FTSJ1: variants seen among roughly 807,000 people sequenced by gnomAD.
FTSJ1 encodes the protein tRNA (cytidine(32)/guanosine(34)-2'-O)-methyltransferase.
A neutral mutation model predicts 28.5 loss-of-function variants in FTSJ1; 3 were observed. That is an observed-to-expected ratio of 0.11 (90% confidence interval 0.05 to 0.27). The LOEUF (loss-of-function observed/expected upper bound fraction) is 0.27. FTSJ1 is among the 10% of genes least tolerant of loss of function. The pLI is 1.00. For missense variants in FTSJ1, 162 were observed against 279.0 expected (o/e 0.58, Z 2.99); for synonymous variants, 104 against 113.9 (o/e 0.91, Z 0.55).
At chrX:48,477,861 G>T (rs1556966800) in intron 1 of FTSJ1, 100 bp from the exon 2 acceptor site, 1 of 573,326 alleles carries the variant, frequency 1.7e-6, no homozygotes, top group African/African-American at 2.3e-5. Context: ...TAAGGTCAGT[G>T]GGGTCAGTGC....
rs181456866 is a variant in FTSJ1, at chrX:48,483,576, C to T, written c.*9+549C>T. Among the ~76,000 whole-genome samples, 561 of 110,803 alleles carry T rather than the reference C, an allele frequency of 5.1e-3. 2 individuals are homozygous for T. Among genetic ancestry groups the T allele is most frequent in the African/African-American group, 0.015 (470 of 30,489 alleles). ...AGGCTGGAGTTCAGTGGTGTGATTT[C>T]CCGGGCTCAAAAAATCCTCCCACCT... On this transcript the variant is annotated intron_variant, in intron 12 of 12. Transcript: ENST00000348411.
chrX:48,478,447 A>C lies in FTSJ1; in HGVS notation c.122-2A>C. ...CAGGATGCTTTCACTATGTATGCCC[A>C]GGCGTGACACGGGCAGTTGACCTGT... On this transcript the variant is annotated splice_acceptor_variant, in intron 2 of 12. Coordinates refer to ENST00000348411, the MANE Select transcript of FTSJ1 (RefSeq NM_012280.4). LOFTEE classifies it high-confidence loss of function. 8.3e-7 allele frequency: 1 copy of C among 1,206,842 alleles called. No homozygotes were observed. Among genetic ancestry groups the C allele is most frequent in the Non-Finnish European group, 1.1e-6 (1 of 891,912 alleles).
At chrX:48,480,721 C>T (rs1602052051) in intron 5 of FTSJ1, among the ~76,000 whole-genome samples, 2 of 110,574 alleles carry the variant, frequency 1.8e-5, no homozygotes, top group Non-Finnish European at 3.8e-5. Flanking sequence ...TTAATGGCTT[C>T]GATGTGGGTG....
chrX:48,484,218 G>A (rs953907000), intron 12 of FTSJ1, among the ~76,000 whole-genome samples: 1 of 107,944 alleles, frequency 9.3e-6, no homozygotes, highest in African/African-American at 3.4e-5. Flanking sequence ...TACAGTGCCC[G>A]CCACTATGCA....
rs910768472 is a variant in FTSJ1 at position 48,486,100 on chromosome X, T to A, written c.*374T>A. ...CAATGAAACTGAAATTTAGCCTTACTCCCAAGTTATAAATGCTGGCAACAA... is the reference window on the plus strand; with the variant it reads ...CAATGAAACTGAAATTTAGCCTTACACCCAAGTTATAAATGCTGGCAACAA... On this transcript the variant is annotated 3_prime_UTR_variant, in exon 13 of 13. Coordinates refer to ENST00000348411, the MANE Select transcript of FTSJ1 (RefSeq NM_012280.4). 1 of 112,119 alleles carries A rather than the reference T, an allele frequency of 8.9e-6. No homozygotes were observed. The highest frequency in any genetic ancestry group is 3.7e-4 in the South Asian group (1 of 2,713). The allele number at this position is 112,119 out of a possible 1,213,427, so 9.2% of individuals were successfully genotyped here. A position where few individuals can be genotyped will look rare whatever the true frequency, so the allele number is the denominator to read the frequency against.
intron 12 of FTSJ1, 91 bp downstream of exon 12, chrX:48,483,118 C>A: frequency 1.5e-6 from 1 of 686,834 alleles, no homozygotes; most frequent in Non-Finnish European, 2.4e-6. Flanking sequence ...TTTATGTCAA[C>A]TGATAAGATT....
intron 5 of FTSJ1, among the ~76,000 whole-genome samples, chrX:48,480,000 C>T (rs979476001): frequency 9.0e-6 from 1 of 111,271 alleles, no homozygotes; most frequent in African/African-American, 3.3e-5. Context: ...AAAAATTAGC[C>T]AGGTGTGGTG....
At chrX:48,482,872 G>A in intron 11 of FTSJ1, 78 bp downstream of exon 11, 3 of 1,208,065 alleles carry the variant, frequency 2.5e-6, no homozygotes, top group Non-Finnish European at 3.4e-6. Flanking sequence ...ATGGTTTCTG[G>A]GGCCAAAATT....
intron 12 of FTSJ1, among the ~76,000 whole-genome samples, chrX:48,484,477 G>A (rs782580687): frequency 1.6e-4 from 18 of 109,623 alleles, no homozygotes; most frequent in Non-Finnish European, 2.7e-4. Flanking sequence ...TCCGCCTCCC[G>A]GGTTCAAGAG....
At chrX:48,481,247 G>C in intron 6 of FTSJ1, 42 bp from the exon 7 acceptor site, 1 of 1,206,136 alleles carries the variant, frequency 8.3e-7, no homozygotes, top group Non-Finnish European at 1.1e-6. Context: ...GCCCCCTCCT[G>C]GCTGTCTCCA....
chrX:48,476,563 AAG>A (rs1430171273), intron 1 of FTSJ1, 167 bp downstream of exon 1: 1 of 239,571 alleles, frequency 4.2e-6, no homozygotes, highest in Non-Finnish European at 7.5e-6. Context: ...TTGTCTGCAG[AAG>A]GGGACCAGTA....
chrX:48,485,075 C>T (rs1173842728), intron 12 of FTSJ1, among the ~76,000 whole-genome samples: 1 of 111,513 alleles, frequency 9.0e-6, no homozygotes, highest in Non-Finnish European at 1.9e-5. Context: ...GGGTGGATCA[C>T]CTGAGGTCAG....
chrX:48,483,871 C>T (rs781914961), intron 12 of FTSJ1, among the ~76,000 whole-genome samples: 5 of 109,376 alleles, frequency 4.6e-5, no homozygotes, highest in Non-Finnish European at 5.8e-5. Flanking sequence ...AAGGCACTGC[C>T]GGAGGGAAGC....
In FTSJ1 at chrX:48,479,033, C is replaced by T; in HGVS notation, c.283-5C>T. The T allele has an allele frequency of 8.4e-7, 1 of 1,192,302 alleles. No homozygotes were observed. The highest frequency in any genetic ancestry group is 1.1e-6 in the Non-Finnish European group (1 of 877,463). ...TGGGGCCACTCATCCTCCCTCTCTCCATAGCTGTCCACTGCCAAGGAGATC... is the reference window on the plus strand; with the variant it reads ...TGGGGCCACTCATCCTCCCTCTCTCTATAGCTGTCCACTGCCAAGGAGATC... On this transcript the variant is annotated splice_polypyrimidine_tract_variant and splice_region_variant and intron_variant, in intron 4 of 12. Coordinates refer to ENST00000348411, the MANE Select transcript of FTSJ1 (RefSeq NM_012280.4).
At chrX:48,478,980 G>A (rs964136856) in intron 4 of FTSJ1, 58 bp from the exon 5 acceptor site, 31 of 926,718 alleles carry the variant, frequency 3.3e-5, no homozygotes, top group South Asian at 1.2e-4. Context: ...ATGGGCAGGC[G>A]GGATCTGAGG....
chrX:48,485,211 T>C (rs1556969783), intron 12 of FTSJ1, among the ~76,000 whole-genome samples: 2 of 111,583 alleles, frequency 1.8e-5, no homozygotes, highest in Non-Finnish European at 3.8e-5. Context: ...GGAGAATCAC[T>C]TGAACCTGGG....
At chrX:48,476,805 A>G (rs1483656957) in intron 1 of FTSJ1, 1 of 111,865 alleles carries the variant, frequency 8.9e-6, no homozygotes, top group African/African-American at 3.3e-5. Flanking sequence ...TCATTGATTG[A>G]TTAATGAGGG....
chrX:48,484,947 A>T (rs1556969691), intron 12 of FTSJ1, among the ~76,000 whole-genome samples: 1 of 111,677 alleles, frequency 9.0e-6, no homozygotes, highest in Non-Finnish European at 1.9e-5. Flanking sequence ...CACTGTGGAA[A>T]CTTAGGCATT....
chrX:48,483,130 T>A, intron 12 of FTSJ1, 103 bp downstream of exon 12: 1 of 640,280 alleles, frequency 1.6e-6, no homozygotes, highest in Non-Finnish European at 2.6e-6. Flanking sequence ...GATAAGATTT[T>A]AATCAACAAA....
Sources: gnomAD v4.1 joint callset for allele counts (sites outside exome capture counted in the v4.1 genomes callset) on GRCh38, gnomAD v4.1.1 for gene constraint, MANE v1.5 for transcripts, NCBI Gene and HGNC (gene_info 2026-07-23, HGNC 2026-07-21) for gene names.